Variants in SRGAP2 observed in about 807,000 individuals in gnomAD.
SRGAP2 encodes SLIT-ROBO Rho GTPase activating protein 2, also known as SLIT-ROBO Rho GTPase-activating protein 2.
A neutral mutation model predicts 57.2 loss-of-function variants in SRGAP2; 15 were observed. The ratio of observed to expected loss-of-function variants is 0.26; its 90% CI spans 0.18 to 0.40. The LOEUF is 0.40. SRGAP2 is among the 10% of genes least tolerant of loss of function. The probability of loss-of-function intolerance (pLI) is 1.00; values close to 1 mark genes in which losing one functional copy is unlikely to be tolerated. For synonymous variants in SRGAP2, 249 were observed against 248.0 expected, an observed-to-expected ratio of 1.00 and a Z score of -0.04; for missense variants, 520 against 669.6, an observed-to-expected ratio of 0.78 and a Z score of 2.47.
chr1:206,414,614 C>G (rs538228386), intron 10 of SRGAP2, among the ~76,000 whole-genome samples: 1 of 151,484 alleles, frequency 6.6e-6, no homozygotes, highest in East Asian at 1.9e-4. Context: ...AGGAGGTGAT[C>G]AAGGCAAACT....
intron 4 of SRGAP2, among the ~76,000 whole-genome samples, chr1:206,353,798 A>ATTTTTT (rs566625693): frequency 7.9e-6 from 1 of 127,330 alleles, no homozygotes; most frequent in African/African-American, 3.0e-5. Context: ...TTTATTTCAG[A>ATTTTTT]TTTTTTTTTT....
chr1:206,322,535 G>A (rs1410049174), intron 3 of SRGAP2, among the ~76,000 whole-genome samples: 1 of 145,654 alleles, frequency 6.9e-6, no homozygotes, highest in Admixed American at 6.8e-5. Context: ...AGCCGAGATC[G>A]TGCCACTGCA....
chr1:206,204,970 G>C (rs1300475138), intron 1 of SRGAP2: 1 of 150,340 alleles, frequency 6.7e-6, no homozygotes, highest in Admixed American at 6.6e-5. Context: ...AAACAACTGG[G>C]AGGAGGGGCG....
intron 2 of SRGAP2, among the ~76,000 whole-genome samples, chr1:206,278,984 A>G (rs1670573545): frequency 6.7e-6 from 1 of 148,888 alleles, no homozygotes; most frequent in Non-Finnish European, 1.5e-5. Context: ...GCCTGATTAC[A>G]TCATACCATG....
intron 2 of SRGAP2, among the ~76,000 whole-genome samples, chr1:206,253,387 T>C (rs1558254105): frequency 6.6e-6 from 1 of 151,102 alleles, no homozygotes; most frequent in Non-Finnish European, 1.5e-5. Context: ...CTCTTGCTCT[T>C]TCGCTCTCTC....
At chr1:206,230,199 A>G (rs1446722025) in intron 2 of SRGAP2, among the ~76,000 whole-genome samples, 1 of 151,714 alleles carries the variant, frequency 6.6e-6, no homozygotes, top group African/African-American at 2.4e-5. Context: ...TGTAATGGAA[A>G]TGAAAATGAC....
chr1:206,458,767 C>T lies in SRGAP2; in HGVS notation c.2652C>T (p.Ser884=), dbSNP rs1421053338. ...RPSSQPIMSQ[S]LPKEGPDKCS... The stretch of plus-strand genomic sequence containing the variant: ...CCTCCCAGCCCATCATGAGCCAGAG[C>T]CTCCCCAAAGAAGGGCCAGATAAGT... The change falls in exon 22 of 23, where the codon AGC becomes AGT. Residue 884 remains serine, a synonymous_variant. Transcript: ENST00000573034. The T allele has an allele frequency of 1.3e-6, 1 of 780,702 alleles. No individual in the cohort carries two copies. The highest frequency in any genetic ancestry group is 2.4e-6 in the Non-Finnish European group (1 of 417,972). 48.4% of individuals were successfully genotyped at this position (780,702 alleles called of 1,614,324 possible).
chr1:206,240,664 T>C (rs1221269987), intron 2 of SRGAP2, among the ~76,000 whole-genome samples: 1 of 152,028 alleles, frequency 6.6e-6, no homozygotes, highest in African/African-American at 2.4e-5. Flanking sequence ...ACATAGCAAC[T>C]ATCCCATACC....
At chr1:206,404,711 G>A (rs180745129) in intron 8 of SRGAP2, among the ~76,000 whole-genome samples, 197 of 152,302 alleles carry the variant, frequency 1.3e-3, no homozygotes, top group Non-Finnish European at 1.5e-3. Flanking sequence ...ATACCCCCTC[G>A]GGCCCTCTAG....
intron 10 of SRGAP2, among the ~76,000 whole-genome samples, chr1:206,415,429 C>T (rs1373662122): frequency 2.0e-5 from 3 of 152,200 alleles, no homozygotes; most frequent in Non-Finnish European, 2.9e-5. Flanking sequence ...CCTGGGCTTG[C>T]AGCTGAGGCA....
rs566865232 is a variant in SRGAP2, at chr1:206,418,666, AT to A, written c.1442-700del. Among the ~76,000 whole-genome samples, 10 of 152,204 alleles carry A rather than the reference AT, an allele frequency of 6.6e-5. No homozygotes were observed. In the South Asian group the frequency reaches 2.1e-3, roughly 32 times the overall value. Reference sequence around the variant, plus strand: ...CATGAACTTGAAGATTTTCAGTTTCATTTTTTTAAAAGCTAGCAATGACCCA... The same window carrying A: ...CATGAACTTGAAGATTTTCAGTTTCATTTTTTAAAAGCTAGCAATGACCCA... On this transcript the variant is annotated intron_variant, in intron 11 of 22. Transcript: ENST00000573034.
At chr1:206,259,765 A>T (rs1428150179) in intron 2 of SRGAP2, among the ~76,000 whole-genome samples, 5 of 148,946 alleles carry the variant, frequency 3.4e-5, no homozygotes, top group African/African-American at 9.8e-5. Context: ...AATATTAATA[A>T]ATTTATTAAA....
Position 206,389,165 on chromosome 1 carries a change from C to CTTT in SRGAP2, c.487-3499_487-3497dup, listed in dbSNP as rs71274650. Among the ~76,000 whole-genome samples the CTTT allele has an allele frequency of 2.5e-4, 18 of 73,120 alleles. 1 individual carries two copies. The highest frequency in any genetic ancestry group is 5.0e-4 in the African/African-American group (8 of 15,866). The allele number at this position is 73,120 out of a possible 152,430, so 48.0% of individuals were successfully genotyped here. ...TGGGGCCTCACTGTTCTCAGACTTCCTTTTTTTTTTTTTTTTTTTTTTTTT... is the reference window on the plus strand; with the variant it reads ...TGGGGCCTCACTGTTCTCAGACTTCCTTTTTTTTTTTTTTTTTTTTTTTTTTTT... On this transcript the variant is annotated intron_variant, in intron 5 of 22. Transcript: ENST00000573034.
intron 13 of SRGAP2, among the ~76,000 whole-genome samples, chr1:206,426,590 T>C (rs1660818230): frequency 6.6e-6 from 1 of 152,254 alleles, no homozygotes; most frequent in Non-Finnish European, 1.5e-5. Context: ...TTTATATTCC[T>C]GCCAGCAGTG....
intron 19 of SRGAP2, among the ~76,000 whole-genome samples, chr1:206,452,005 A>C (rs1409468965): frequency 6.6e-6 from 1 of 152,202 alleles, no homozygotes; most frequent in Non-Finnish European, 1.5e-5. Flanking sequence ...CTCAGGTTCC[A>C]GCTTTCTGGG....
intron 4 of SRGAP2, among the ~76,000 whole-genome samples, chr1:206,353,659 C>G (rs1432384289): frequency 6.6e-6 from 1 of 151,284 alleles, no homozygotes; most frequent in African/African-American, 2.5e-5. Flanking sequence ...TGTGCCACTG[C>G]ACTCCAGCCT....
intron 3 of SRGAP2, among the ~76,000 whole-genome samples, chr1:206,307,457 C>T (rs1223097696): frequency 1.3e-5 from 2 of 152,178 alleles, no homozygotes; most frequent in South Asian, 2.1e-4. Flanking sequence ...CGCTCGCATT[C>T]CTCAGCCCTT....
At chr1:206,432,528 G>A (rs1661363385) in intron 14 of SRGAP2, among the ~76,000 whole-genome samples, 1 of 152,174 alleles carries the variant, frequency 6.6e-6, no homozygotes, top group South Asian at 2.1e-4. Flanking sequence ...CAACCTAAAT[G>A]CCCATACATA....
chr1:206,446,428 G>A (rs1662766392), intron 18 of SRGAP2, 129 bp downstream of exon 18: 4 of 668,192 alleles, frequency 6.0e-6, no homozygotes, highest in Non-Finnish European at 8.1e-6. Context: ...AGGCTGCTAG[G>A]GTCTGGGGAT....
Sources: allele counts gnomAD v4.1 joint callset (sites outside exome capture counted in the v4.1 genomes callset), GRCh38; gene constraint gnomAD v4.1.1; transcripts MANE v1.5; gene names NCBI Gene and HGNC (gene_info 2026-07-23, HGNC 2026-07-21).